CAMK4: variants seen among roughly 807,000 people sequenced by gnomAD.
CAMK4 encodes the protein calcium/calmodulin dependent protein kinase IV, also known as calcium/calmodulin-dependent protein kinase type IV.
Under a neutral mutation model 44.9 loss-of-function variants are expected in CAMK4, and 22 were observed. That is an observed-to-expected ratio of 0.49 (90% CI 0.35 to 0.70). The LOEUF (loss-of-function observed/expected upper bound fraction) is 0.70, where lower values mean the gene tolerates loss of function less well. Among genes scored for constraint, CAMK4 ranks in the 30% least tolerant of loss-of-function variants. CAMK4 has a pLI of 0.01. For missense variants in CAMK4, 498 were observed against 586.8 expected (o/e 0.85, Z 1.56); for synonymous variants, 218 against 215.4 (o/e 1.01, Z -0.11).
intron 1 of CAMK4, among the ~76,000 whole-genome samples, chr5:111,328,252 A>G (rs1219962875): frequency 2.0e-5 from 3 of 151,208 alleles, no homozygotes; most frequent in Non-Finnish European, 1.5e-5. Context: ...TGCCAGCACC[A>G]TTTATTAAAT....
chr5:111,341,814 G>A (rs1268063607), intron 1 of CAMK4, among the ~76,000 whole-genome samples: 1 of 151,244 alleles, frequency 6.6e-6, no homozygotes, highest in African/African-American at 2.4e-5. Context: ...CATGTAACTT[G>A]CATGGGGTCA....
At chr5:111,458,648 A>G (rs1323290945) in intron 7 of CAMK4, among the ~76,000 whole-genome samples, 1 of 152,182 alleles carries the variant, frequency 6.6e-6, no homozygotes, top group Non-Finnish European at 1.5e-5. Flanking sequence ...TTATAATATA[A>G]AGTTGGAAAA....
intron 7 of CAMK4, among the ~76,000 whole-genome samples, chr5:111,456,228 G>A (rs1051892193): frequency 6.6e-6 from 1 of 151,954 alleles, no homozygotes; most frequent in Non-Finnish European, 1.5e-5. Context: ...TCGGCCGGGC[G>A]CGGTGGCTCA....
intron 1 of CAMK4, chr5:111,266,054 T>A (rs1750225087): frequency 6.6e-6 from 1 of 152,128 alleles, no homozygotes; most frequent in Non-Finnish European, 1.5e-5. Flanking sequence ...TTAGACATCT[T>A]TTGGTAGATG....
chr5:111,308,388 A>G (rs889385880), intron 1 of CAMK4, among the ~76,000 whole-genome samples: 11 of 152,236 alleles, frequency 7.2e-5, no homozygotes, highest in African/African-American at 2.7e-4. Context: ...CATATAAAAT[A>G]GGTGGTGGTA....
rs1340521040 is a variant in CAMK4 at position 111,379,630 on chromosome 5, G to T, written c.386+2688G>T. 1.1e-4 allele frequency among the ~76,000 whole-genome samples: 17 copies of T among 152,076 alleles called. No individual in the cohort carries two copies. In the South Asian group the frequency reaches 3.5e-3, roughly 31 times the overall value. On this transcript the variant is annotated intron_variant, in intron 4 of 10. Transcript: ENST00000282356. ...CAATGTATTGATTTCTTTCTTGAGA[G>T]TTAAAAGGTAACATGATCTCTTTTT... is the stretch of plus-strand genomic sequence containing the variant.
At chr5:111,392,818 G>C (rs1449598471) in intron 4 of CAMK4, among the ~76,000 whole-genome samples, 1 of 152,122 alleles carries the variant, frequency 6.6e-6, no homozygotes, top group African/African-American at 2.4e-5. Flanking sequence ...TTCTAGGTCT[G>C]AGGCAGCAAA....
At chr5:111,317,553 CAT>C (rs1748477421) in intron 1 of CAMK4, among the ~76,000 whole-genome samples, 1 of 152,108 alleles carries the variant, frequency 6.6e-6, no homozygotes, top group African/African-American at 2.4e-5. Context: ...CTATTTTTAA[CAT>C]GTTTCAGACC....
Position 111,331,353 on chromosome 5 carries a change from G to T in CAMK4, c.162-12671G>T, listed in dbSNP as rs189682960. On this transcript the variant is annotated intron_variant, in intron 1 of 10. Coordinates refer to ENST00000282356, the MANE Select transcript of CAMK4 (RefSeq NM_001744.6). ...GCAAAAGTACTCAACATCATTATTCGTGGAAATGTAAATTAAATCACAATA... is the reference window on the plus strand; with the variant it reads ...GCAAAAGTACTCAACATCATTATTCTTGGAAATGTAAATTAAATCACAATA... Among the ~76,000 whole-genome samples the T allele has an allele frequency of 1.5e-3, 232 of 151,686 alleles. 1 individual carries two copies. The highest frequency in any genetic ancestry group is 4.9e-3 in the African/African-American group (205 of 41,428).
chr5:111,246,197 T>A (rs909162823), intron 1 of CAMK4, among the ~76,000 whole-genome samples: 1 of 152,226 alleles, frequency 6.6e-6, no homozygotes, highest in Non-Finnish European at 1.5e-5. Flanking sequence ...TTGTACATAT[T>A]CTCAGAATAG....
intron 2 of CAMK4, among the ~76,000 whole-genome samples, chr5:111,346,796 A>G (rs1228750692): frequency 6.7e-6 from 1 of 149,558 alleles, no homozygotes; most frequent in African/African-American, 2.5e-5. Context: ...TACTAAACCA[A>G]ACTTGAGTCA....
chr5:111,400,528 C>T (rs1752185226), intron 5 of CAMK4, among the ~76,000 whole-genome samples: 1 of 152,106 alleles, frequency 6.6e-6, no homozygotes, highest in Admixed American at 6.5e-5. Flanking sequence ...TAATTATACT[C>T]CTTACGTAAC....
intron 5 of CAMK4, among the ~76,000 whole-genome samples, chr5:111,410,715 G>A (rs745682298): frequency 6.6e-6 from 1 of 152,162 alleles, no homozygotes; most frequent in East Asian, 1.9e-4. Flanking sequence ...ATTTTTATTT[G>A]GTAATGGCTA....
At chr5:111,273,677 TTATATATATATATA>T (rs1160351356) in intron 1 of CAMK4, among the ~76,000 whole-genome samples, 11 of 41,126 alleles carry the variant, frequency 2.7e-4, no homozygotes, top group Non-Finnish European at 5.9e-4. Context: ...AAAAATGCAT[TTATATATATATATA>T]TATATATATA....
intron 1 of CAMK4, among the ~76,000 whole-genome samples, chr5:111,248,377 C>T (rs1175286815): frequency 6.6e-6 from 1 of 152,036 alleles, no homozygotes; most frequent in Non-Finnish European, 1.5e-5. Context: ...GATTTTCTTA[C>T]TGTGGGGAAC....
At chr5:111,254,309 G>A (rs1749644687) in intron 1 of CAMK4, among the ~76,000 whole-genome samples, 2 of 152,192 alleles carry the variant, frequency 1.3e-5, no homozygotes, top group South Asian at 2.1e-4. Context: ...CCAAAGGGAA[G>A]TCACTGTGGA....
At chr5:111,361,371 CAAATT>C (rs1750583898) in intron 2 of CAMK4, among the ~76,000 whole-genome samples, 1 of 151,858 alleles carries the variant, frequency 6.6e-6, no homozygotes, top group East Asian at 1.9e-4. Flanking sequence ...TTTAATCACT[CAAATT>C]AAAGTTTGGG....
chr5:111,375,740 G>A (rs555449019), intron 3 of CAMK4, among the ~76,000 whole-genome samples: 33 of 152,278 alleles, frequency 2.2e-4, no homozygotes, highest in African/African-American at 7.7e-4. Flanking sequence ...CAGCTCGCCG[G>A]TGCTGCTGTT....
chr5:111,278,840 A>C (rs7706162), intron 1 of CAMK4, among the ~76,000 whole-genome samples: 64 of 152,360 alleles, frequency 4.2e-4, no homozygotes, highest in African/African-American at 1.4e-3. Flanking sequence ...TTCAGTGATA[A>C]CAAGACTTTT....
Sources: gnomAD v4.1 joint callset for allele counts (sites outside exome capture counted in the v4.1 genomes callset) on GRCh38, gnomAD v4.1.1 for gene constraint, MANE v1.5 for transcripts, NCBI Gene and HGNC (gene_info 2026-07-23, HGNC 2026-07-21) for gene names.